RBP5: variants seen among roughly 807,000 people sequenced by gnomAD.
The protein encoded by RBP5 is retinol binding protein 5.
In RBP5, 12 loss-of-function variants were observed where a neutral mutation model predicts 17.8. The ratio of observed to expected loss-of-function variants is 0.67; its 90% CI spans 0.43 to 1.09. RBP5 has a LOEUF of 1.09. RBP5 is among the 50% of genes least tolerant of loss of function. The pLI is 0.00. For missense variants in RBP5, 172 were observed against 169.4 expected (o/e 1.02, Z -0.09); for synonymous variants, 64 against 68.1 (o/e 0.94, Z 0.30).
At chr12:7,126,870 A>G (rs905451399) in intron 2 of RBP5, among the ~76,000 whole-genome samples, 114 of 152,024 alleles carry the variant, frequency 7.5e-4, no homozygotes, top group African/African-American at 2.7e-3. Context: ...CAATGGCATG[A>G]TCTTGGCTCA....
downstream of RBP5, among the ~76,000 whole-genome samples, chr12:7,122,973 C>A (rs978292113): frequency 1.3e-5 from 2 of 152,106 alleles, no homozygotes; most frequent in African/African-American, 4.8e-5. Flanking sequence ...GGGGGGCCAG[C>A]CGTTGCAGGA....
chr12:7,128,917 A>G, upstream of RBP5: 1 of 719,358 alleles, frequency 1.4e-6, no homozygotes, highest in Non-Finnish European at 2.5e-6. This position sits in a 1 kb window ranked among gnomAD's most constrained non-coding sequence, Gnocchi z 5.3. Flanking sequence ...AGGGCTTTTT[A>G]TAAGGCTGGG....
At chr12:7,116,162 A>C (rs1458114863) in exon 4 of RBP5, 1 of 151,732 alleles carries the variant, frequency 6.6e-6, no homozygotes, top group Non-Finnish European at 1.5e-5. Flanking sequence ...GCATCTCTCC[A>C]CCTCACTCAC....
rs1939020097 is a variant in RBP5 at position 7,117,480 on chromosome 12, T to C, written n.890-173A>G. 1 of 152,094 alleles carries C rather than the reference T, an allele frequency of 6.6e-6. No homozygotes were observed. The highest frequency in any genetic ancestry group is 1.5e-5 in the Non-Finnish European group (1 of 68,018). The allele number at this position is 152,094 out of a possible 1,614,324, so 9.4% of individuals were successfully genotyped here. A position where few individuals can be genotyped will look rare whatever the true frequency, so the allele number is the denominator to read the frequency against. On this transcript the variant is annotated intron_variant and non_coding_transcript_variant, in intron 3 of 3. Coordinates refer to the RBP5 transcript ENST00000619522. This position sits in a 1 kb window ranked among gnomAD's most constrained non-coding sequence, Gnocchi z 4.9. ...TGGGTATGGTTGTATTTCAGGTGCA[T>C]TTACCCAAATCCAGAGTACCTTTGG...
chr12:7,124,489 G>C lies in RBP5; in HGVS notation c.354+140C>G, dbSNP rs924553435. ...TCTCCCCACTCCTCCCAGTGCTTTT[G>C]CTTTCCCTCCCTGGTCAATTCCTTG... On this transcript the variant is annotated intron_variant, in intron 3 of 3. Coordinates refer to ENST00000266560, the MANE Select transcript of RBP5 (RefSeq NM_031491.4). The surrounding 1 kb of genome is among the most constrained non-coding windows in gnomAD (Gnocchi z 5.3). The C allele has an allele frequency of 1.5e-5, 10 of 651,106 alleles. No individual in the cohort carries two copies. The highest frequency in any genetic ancestry group is 2.8e-5 in the Non-Finnish European group (10 of 362,234). 40.3% of individuals were successfully genotyped at this position (651,106 alleles called of 1,614,324 possible).
Position 7,124,315 on chromosome 12 carries a change from A to C in RBP5, c.355-141T>G. 1.3e-6 allele frequency: 1 copy of C among 753,310 alleles called. No individual in the cohort carries two copies. Among genetic ancestry groups the C allele is most frequent in the South Asian group, 1.6e-5 (1 of 62,058 alleles). 46.7% of individuals were successfully genotyped at this position (753,310 alleles called of 1,614,324 possible). On this transcript the variant is annotated intron_variant, in intron 3 of 3. Transcript: ENST00000266560. The surrounding 1 kb of genome is among the most constrained non-coding windows in gnomAD (Gnocchi z 5.3). ...TTGATGTATGGGCAATTGTATCATT[A>C]TTCCACATCCTCAACTTTCCACCCC... is the stretch of plus-strand genomic sequence containing the variant.
chr12:7,116,757 C>G (rs941459777), exon 4 of RBP5: 2 of 152,228 alleles, frequency 1.3e-5, no homozygotes, highest in African/African-American at 4.8e-5. Flanking sequence ...TGTGACTGGA[C>G]ACATTTTTAC....
chr12:7,116,193 C>G (rs775383749), exon 4 of RBP5: 3 of 152,382 alleles, frequency 2.0e-5, no homozygotes, highest in South Asian at 2.1e-4. Context: ...GCAAAGAACC[C>G]TCTGGCTCTA....
chr12:7,128,167 T>G lies in RBP5; in HGVS notation c.252+73A>C, dbSNP rs1591610038. ...CTGCTCTGGCTGGGGAAGGTCACTT[T>G]GTTTTGCCCCATGTTGTTAGGAGTC... is the stretch of plus-strand genomic sequence containing the variant. On this transcript the variant is annotated intron_variant, in intron 2 of 3. Transcript: ENST00000266560. This position sits in a 1 kb window ranked among gnomAD's most constrained non-coding sequence, Gnocchi z 5.3. 1 of 1,402,084 alleles carries G rather than the reference T, an allele frequency of 7.1e-7. No individual in the cohort carries two copies. The highest frequency in any genetic ancestry group is 2.4e-5 in the East Asian group (1 of 41,838). The allele number at this position is 1,402,084 out of a possible 1,614,324, so 86.9% of individuals were successfully genotyped here.
chr12:7,118,428 C>G (rs1310613297), intron 3 of RBP5: 1 of 152,144 alleles, frequency 6.6e-6, no homozygotes, highest in Non-Finnish European at 1.5e-5. Context: ...TGAGGTTACA[C>G]GACTCCTCGA....
Position 7,124,541 on chromosome 12 carries a change from A to T in RBP5, c.354+88T>A. The T allele has an allele frequency of 1.3e-6, 1 of 756,280 alleles. No individual in the cohort carries two copies. The highest frequency in any genetic ancestry group is 1.6e-5 in the South Asian group (1 of 62,458). 46.8% of individuals were successfully genotyped at this position (756,280 alleles called of 1,614,324 possible). On this transcript the variant is annotated intron_variant, in intron 3 of 3. Transcript: ENST00000266560. The surrounding 1 kb of genome is among the most constrained non-coding windows in gnomAD (Gnocchi z 5.3). ...ATAGGGATTGGGGCTGGGCTGGGGG[A>T]AGAGTGGTGGACCTATCTGGTTTGG...
intron 2 of RBP5, among the ~76,000 whole-genome samples, chr12:7,126,582 A>G (rs1329615591): frequency 6.6e-6 from 1 of 150,796 alleles, no homozygotes; most frequent in Non-Finnish European, 1.5e-5. Flanking sequence ...AGGTAAGGAA[A>G]CAAGAGATAT....
In RBP5 at chr12:7,124,012, G is replaced by A; in HGVS notation, c.*109C>T. Reference sequence around the variant, plus strand: ...TGAGGAGGGACCCAGAGGGAGGAAAGGTGGCCAGAGGAAGGGACAGCTGAC... The same window carrying A: ...TGAGGAGGGACCCAGAGGGAGGAAAAGTGGCCAGAGGAAGGGACAGCTGAC... On this transcript the variant is annotated 3_prime_UTR_variant, in exon 4 of 4. Coordinates refer to ENST00000266560, the MANE Select transcript of RBP5 (RefSeq NM_031491.4). This position sits in a 1 kb window ranked among gnomAD's most constrained non-coding sequence, Gnocchi z 5.3. 1 of 1,026,670 alleles carries A rather than the reference G, an allele frequency of 9.7e-7. No homozygotes were observed. The highest frequency in any genetic ancestry group is 1.5e-6 in the Non-Finnish European group (1 of 649,072). The allele number at this position is 1,026,670 out of a possible 1,614,324, so 63.6% of individuals were successfully genotyped here. A position where few individuals can be genotyped will look rare whatever the true frequency, so the allele number is the denominator to read the frequency against.
chr12:7,119,732 C>T (rs112107733), downstream of RBP5, among the ~76,000 whole-genome samples: 1 of 152,178 alleles, frequency 6.6e-6, no homozygotes, highest in African/African-American at 2.4e-5. Flanking sequence ...TCTGTCAGGG[C>T]GCACTCCACT....
chr12:7,129,889 C>A, upstream of RBP5: 3 of 836,174 alleles, frequency 3.6e-6, no homozygotes, highest in Non-Finnish European at 4.3e-6. This position sits in a 1 kb window ranked among gnomAD's most constrained non-coding sequence, Gnocchi z 5.5. Flanking sequence ...CTCGATACCG[C>A]CCTGCGGACC....
Position 7,124,140 on chromosome 12 carries a change from A to C in RBP5, c.389T>G (p.Val130Gly). 1.2e-6 allele frequency: 2 copies of C among 1,614,052 alleles called. No homozygotes were observed. Among genetic ancestry groups the C allele is most frequent in the Non-Finnish European group, 1.7e-6 (2 of 1,179,992 alleles). The change falls in exon 4 of 4, where the codon GTC becomes GGC. Residue 130 changes from valine to glycine, a missense_variant. Coordinates refer to ENST00000266560, the MANE Select transcript of RBP5 (RefSeq NM_031491.4). This position sits in a 1 kb window ranked among gnomAD's most constrained non-coding sequence, Gnocchi z 5.3. Reference sequence around the variant, plus strand: ...CTCCGGCTATCTGACCTTCCTGAAGACCTGCTCGCACACTGCATCCCTTGC... The same window carrying C: ...CTCCGGCTATCTGACCTTCCTGAAGCCCTGCTCGCACACTGCATCCCTTGC... ...LTARDAVCEQ[V>G]FRKVR
chr12:7,118,778 A>AT (rs1939039393), downstream of RBP5: 1 of 152,266 alleles, frequency 6.6e-6, no homozygotes, highest in African/African-American at 2.4e-5. Context: ...TAGAAAGGCG[A>AT]TGGGATATGC....
In RBP5 at chr12:7,123,991, G is replaced by C; in HGVS notation, c.*130C>G. The C allele has an allele frequency of 1.2e-6, 1 of 828,040 alleles. No individual in the cohort carries two copies. The highest frequency in any genetic ancestry group is 2.5e-5 in the East Asian group (1 of 40,632). The allele number at this position is 828,040 out of a possible 1,614,324, so 51.3% of individuals were successfully genotyped here. A position where few individuals can be genotyped will look rare whatever the true frequency, so the allele number is the denominator to read the frequency against. On this transcript the variant is annotated 3_prime_UTR_variant, in exon 4 of 4. Transcript: ENST00000266560. ...ACAGATTAACACGGGGAGGGGTGAG[G>C]AGGGACCCAGAGGGAGGAAAGGTGG... is the stretch of plus-strand genomic sequence containing the variant.
In RBP5 at chr12:7,128,748, G is replaced by A. The variant is rs947336335; in HGVS notation, c.28C>T (p.Arg10Cys). 2.5e-6 allele frequency: 4 copies of A among 1,605,120 alleles called. No individual in the cohort carries two copies. Among genetic ancestry groups the A allele is most frequent in the South Asian group, 2.2e-5 (2 of 89,270 alleles). The change falls in exon 1 of 4, where the codon CGC becomes TGC. Residue 10 changes from arginine (R) to cysteine (C), a missense_variant. Physicochemically the swap from Arg to Cys is radical, Grantham distance 180. Transcript: ENST00000266560. The surrounding 1 kb of genome is among the most constrained non-coding windows in gnomAD (Gnocchi z 5.3). MPPNLTGYY[R>C]FVSQKNMEDY... The stretch of plus-strand genomic sequence containing the variant: ...TCCATGTTCTTCTGCGAGACAAAGC[G>A]GTAGTAGCCAGTGAGGTTGGGAGGC...
Sources: allele counts gnomAD v4.1 joint callset (sites outside exome capture counted in the v4.1 genomes callset), GRCh38; gene constraint gnomAD v4.1.1; non-coding constraint Gnocchi (gnomAD v3.1); transcripts MANE v1.5; gene names NCBI Gene and HGNC (gene_info 2026-07-23, HGNC 2026-07-21).